MAGI3: variants seen among roughly 807,000 people sequenced by gnomAD.
MAGI3 encodes membrane-associated guanylate kinase, WW and PDZ domain-containing protein 3.
A neutral mutation model predicts 121.8 loss-of-function variants in MAGI3; 43 were observed. That is an observed-to-expected ratio of 0.35 (90% CI 0.28 to 0.46). MAGI3 has a LOEUF of 0.46. MAGI3 is among the 20% of genes least tolerant of loss of function. The probability of loss-of-function intolerance (pLI) is 1.00; values close to 1 mark genes in which losing one functional copy is unlikely to be tolerated. For synonymous variants in MAGI3, 553 were observed against 639.3 expected, an observed-to-expected ratio of 0.86 and a Z score of 2.04; for missense variants, 1,547 against 1,797.3, an observed-to-expected ratio of 0.86 and a Z score of 2.52.
At chr1:113,449,529 G>T (rs1485023523) in intron 1 of MAGI3, among the ~76,000 whole-genome samples, 1 of 152,052 alleles carries the variant, frequency 6.6e-6, no homozygotes, top group Non-Finnish European at 1.5e-5. Flanking sequence ...CGTTGGAGAC[G>T]ACATCCATCC....
chr1:113,618,548 C>T (rs1412956937), intron 7 of MAGI3: 1 of 448,232 alleles, frequency 2.2e-6, no homozygotes, highest in African/African-American at 2.0e-5. Flanking sequence ...TCTTGTCGCC[C>T]AAGCTGGAGT....
intron 1 of MAGI3, among the ~76,000 whole-genome samples, chr1:113,456,260 C>T (rs779876947): frequency 4.1e-4 from 62 of 152,014 alleles, no homozygotes; most frequent in African/African-American, 1.2e-3. Context: ...CCACCACGCC[C>T]GGCCCCATTT....
intron 1 of MAGI3, among the ~76,000 whole-genome samples, chr1:113,423,080 G>C (rs995980970): frequency 6.6e-6 from 1 of 152,142 alleles, no homozygotes; most frequent in African/African-American, 2.4e-5. Context: ...CCATTCAGTA[G>C]GTCCTGAGTT....
chr1:113,585,736 T>A, intron 4 of MAGI3, 140 bp downstream of exon 4: 1 of 690,548 alleles, frequency 1.4e-6, no homozygotes, highest in Non-Finnish European at 2.5e-6. Flanking sequence ...AGGTTGTATG[T>A]GGAGCAAAGT....
chr1:113,653,692 C>G lies in MAGI3; in HGVS notation c.2441-138C>G, dbSNP rs201379294. 36 of 635,850 alleles carry G rather than the reference C, an allele frequency of 5.7e-5. No individual in the cohort carries two copies. In the East Asian group the frequency reaches 1.1e-3, roughly 19 times the overall value. The allele number at this position is 635,850 out of a possible 1,614,324, so 39.4% of individuals were successfully genotyped here. A position where few individuals can be genotyped will look rare whatever the true frequency, so the allele number is the denominator to read the frequency against. On this transcript the variant is annotated intron_variant, in intron 14 of 20. Coordinates refer to ENST00000307546, the MANE Select transcript of MAGI3 (RefSeq NM_001142782.2). ...ATCTGCACTCAGATTATACCCGAAG[C>G]TCACATGTGGGGCTGCTTTTCTATT...
chr1:113,572,512 C>T (rs1324172055), intron 2 of MAGI3, among the ~76,000 whole-genome samples: 2 of 152,124 alleles, frequency 1.3e-5, no homozygotes, highest in Non-Finnish European at 2.9e-5. Context: ...GGCTGTGAAT[C>T]CCTCTGATCC....
intron 1 of MAGI3, among the ~76,000 whole-genome samples, chr1:113,531,724 C>CAG (rs58355927): frequency 0.76 from 91,384 of 120,992 alleles, 31,451 homozygotes; most frequent in East Asian, 0.94. Flanking sequence ...GGGTGGGGGT[C>CAG]GGGTGGGGGG....
intron 9 of MAGI3, among the ~76,000 whole-genome samples, chr1:113,628,250 G>A: frequency 6.6e-6 from 1 of 152,062 alleles, no homozygotes; most frequent in East Asian, 1.9e-4. Flanking sequence ...ATTATAAACT[G>A]AGGACAAATT....
intron 1 of MAGI3, among the ~76,000 whole-genome samples, chr1:113,515,568 G>A (rs558279915): frequency 6.6e-6 from 1 of 152,170 alleles, no homozygotes; most frequent in Non-Finnish European, 1.5e-5. Context: ...CAACCTCATG[G>A]AATAGATGTT....
At chr1:113,466,442 GTCT>G (rs1257845046) in intron 1 of MAGI3, among the ~76,000 whole-genome samples, 5 of 152,118 alleles carry the variant, frequency 3.3e-5, no homozygotes, top group African/African-American at 1.2e-4. Context: ...TTGGCCTGTA[GTCT>G]TCTTTTTTTG....
chr1:113,490,064 A>T (rs1400828856), intron 1 of MAGI3, among the ~76,000 whole-genome samples: 1 of 152,178 alleles, frequency 6.6e-6, no homozygotes, highest in East Asian at 1.9e-4. Context: ...TTCACAAAGA[A>T]GATCATCCCC....
chr1:113,564,912 C>T (rs912526801), intron 2 of MAGI3, among the ~76,000 whole-genome samples: 14 of 152,062 alleles, frequency 9.2e-5, no homozygotes, highest in Middle Eastern at 3.4e-3. Flanking sequence ...TACAGTGGCA[C>T]GATCTCAGCT....
At chr1:113,416,461 A>C (rs1487335849) in intron 1 of MAGI3, among the ~76,000 whole-genome samples, 1 of 1,478 alleles carries the variant, frequency 6.8e-4, no homozygotes, top group African/African-American at 2.7e-3. Context: ...TATATTAATT[A>C]TATATAATTT....
At chr1:113,489,917 G>A (rs1008156579) in intron 1 of MAGI3, among the ~76,000 whole-genome samples, 9 of 152,124 alleles carry the variant, frequency 5.9e-5, no homozygotes, top group African/African-American at 2.2e-4. Flanking sequence ...TGACTCATTG[G>A]TGTTCCTGAA....
chr1:113,614,594 T>C lies in MAGI3; in HGVS notation c.1019-7T>C. ...CTGGCATTTCACTCAATTTTCTTTA[T>C]TTACAGAGCTTCCTTATGGCTGGGA... On this transcript the variant is annotated splice_region_variant and splice_polypyrimidine_tract_variant and intron_variant, in intron 6 of 20. Transcript: ENST00000307546. 1 of 1,605,308 alleles carries C rather than the reference T, an allele frequency of 6.2e-7. No homozygotes were observed. The highest frequency in any genetic ancestry group is 8.5e-7 in the Non-Finnish European group (1 of 1,173,424).
chr1:113,487,247 T>C (rs1168714974), intron 1 of MAGI3, among the ~76,000 whole-genome samples: 5 of 152,212 alleles, frequency 3.3e-5, no homozygotes, highest in South Asian at 2.1e-4. Flanking sequence ...GTAAGAAATA[T>C]TTTAACAAAG....
Position 113,422,701 on chromosome 1 carries a change from C to T in MAGI3, c.316+31352C>T, listed in dbSNP as rs1045969290. Among the ~76,000 whole-genome samples the T allele has an allele frequency of 6.6e-6, 1 of 152,180 alleles. No individual in the cohort carries two copies. The highest frequency in any genetic ancestry group is 1.5e-5 in the Non-Finnish European group (1 of 68,032). ...GTGTCTGGATAAGGGAACGTGGTGG[C>T]GCCTGAAAGCTGAGAGATACCAGGA... is the stretch of plus-strand genomic sequence containing the variant. On this transcript the variant is annotated intron_variant, in intron 1 of 20. Coordinates refer to ENST00000307546, the MANE Select transcript of MAGI3 (RefSeq NM_001142782.2). The surrounding 1 kb of genome is among the most constrained non-coding windows in gnomAD (Gnocchi z 4.3).
chr1:113,570,640 C>G (rs1298082020), intron 2 of MAGI3, among the ~76,000 whole-genome samples: 2 of 152,124 alleles, frequency 1.3e-5, no homozygotes, highest in African/African-American at 4.8e-5. Context: ...CTGTAATGAC[C>G]AGTGATGATG....
chr1:113,651,503 G>T (rs1557875233), intron 14 of MAGI3, among the ~76,000 whole-genome samples: 2 of 151,968 alleles, frequency 1.3e-5, no homozygotes, highest in African/African-American at 4.8e-5. Flanking sequence ...GTTTTGTTTT[G>T]TTGAGTTGAG....
Sources: gnomAD v4.1 joint callset for allele counts (sites outside exome capture counted in the v4.1 genomes callset) on GRCh38, gnomAD v4.1.1 for gene constraint, Gnocchi (gnomAD v3.1) non-coding constraint, MANE v1.5 for transcripts, NCBI Gene and HGNC (gene_info 2026-07-23, HGNC 2026-07-21) for gene names.